The following TNFSF9 variants were observed in gnomAD, a reference collection of about 807,000 sequenced individuals.
TNFSF9 encodes TNF superfamily member 9.
A neutral mutation model predicts 10.3 loss-of-function variants in TNFSF9; 10 were observed. The ratio of observed to expected loss-of-function variants is 0.97; its 90% confidence interval spans 0.60 to 1.65. The LOEUF (loss-of-function observed/expected upper bound fraction) is 1.65, where lower values mean the gene tolerates loss of function less well. Among genes scored for constraint, TNFSF9 ranks in the 40% most tolerant of loss-of-function variants. The probability of loss-of-function intolerance (pLI) is 0.00; values close to 1 mark genes in which losing one functional copy is unlikely to be tolerated. For synonymous variants in TNFSF9, 195 were observed against 176.1 expected, an observed-to-expected ratio of 1.11 and a Z score of -0.85; for missense variants, 361 against 348.9, an observed-to-expected ratio of 1.03 and a Z score of -0.28.
chr19:6,531,094 C>T lies in TNFSF9; in HGVS notation c.58C>T (p.Arg20Cys), dbSNP rs1272743323. The T allele has an allele frequency of 5.6e-6, 9 of 1,610,794 alleles. No homozygotes were observed. The highest frequency in any genetic ancestry group is 7.6e-6 in the Non-Finnish European group (9 of 1,179,012). ...CGAAGCCCCGTGGCCTCCCGCGCCC[C>T]GCGCTCGCGCCTGCCGCGTACTGCC... ...DPEAPWPPAP[R>C]ARACRVLPWA... Residue 20 changes from arginine to cysteine, a missense_variant, in exon 1 of 3, where the codon CGC becomes TGC. Transcript: ENST00000245817.
rs1295631004 is a variant in TNFSF9 at position 6,535,681 on chromosome 19, A to T, written c.*615A>T. 6.6e-6 allele frequency: 1 copy of T among 151,650 alleles called. No homozygotes were observed. The highest frequency in any genetic ancestry group is 2.4e-5 in the African/African-American group (1 of 41,188). 9.4% of individuals were successfully genotyped at this position (151,650 alleles called of 1,614,324 possible). ...TTTTTCTTTCTTTCTTTTTTTTGAGATGGTCTTGTTCTGTCAACCAGGCTA... is the reference window on the plus strand; with the variant it reads ...TTTTTCTTTCTTTCTTTTTTTTGAGTTGGTCTTGTTCTGTCAACCAGGCTA... On this transcript the variant is annotated 3_prime_UTR_variant, in exon 3 of 3. Transcript: ENST00000245817.
intron 1 of TNFSF9, 87 bp downstream of exon 1, chr19:6,531,390 A>AG (rs1343747459): frequency 2.3e-5 from 31 of 1,368,644 alleles, no homozygotes; most frequent in Non-Finnish European, 2.9e-5. Flanking sequence ...CCGCACCCCC[A>AG]GGGACACCTG....
At chr19:6,534,506 C>T in intron 2 of TNFSF9, 94 bp from the exon 3 acceptor site, 1 of 940,066 alleles carries the variant, frequency 1.1e-6, no homozygotes. Flanking sequence ...CCGTTCTTTT[C>T]TCCCAGGGCT....
chr19:6,531,777 C>T (rs564167181), intron 1 of TNFSF9, among the ~76,000 whole-genome samples: 24 of 152,250 alleles, frequency 1.6e-4, no homozygotes, highest in Admixed American at 1.3e-4. Context: ...GAGGAGACCC[C>T]CACAGTCCTC....
intron 2 of TNFSF9, among the ~76,000 whole-genome samples, chr19:6,533,980 CCTT>C (rs1230109030): frequency 3.1e-5 from 4 of 127,502 alleles, no homozygotes; most frequent in Non-Finnish European, 5.0e-5. Context: ...CCTGATGGAT[CCTT>C]CCTCTAGAAC....
intron 1 of TNFSF9, 21 bp downstream of exon 1, chr19:6,531,324 C>T (rs761461168): frequency 2.0e-4 from 295 of 1,454,692 alleles, no homozygotes; most frequent in Non-Finnish European, 2.6e-4. Flanking sequence ...CCCCGACCCT[C>T]GGTAGCTGGT....
chr19:6,531,385 C>G, intron 1 of TNFSF9, 82 bp downstream of exon 1: 1 of 1,369,074 alleles, frequency 7.3e-7, no homozygotes, highest in Non-Finnish European at 9.4e-7. Context: ...CCCTCCCGCA[C>G]CCCCAGGGAC....
Position 6,535,875 on chromosome 19 carries a change from G to A in TNFSF9, c.*809G>A, listed in dbSNP as rs947302204. ...GGAGACGGTATTGCTATGTTGCCAA[G>A]GTTGTTTACATGCCAGTACAATTTA... is the stretch of plus-strand genomic sequence containing the variant. On this transcript the variant is annotated 3_prime_UTR_variant, in exon 3 of 3. Coordinates refer to ENST00000245817, the MANE Select transcript of TNFSF9 (RefSeq NM_003811.4). 1 of 152,120 alleles carries A rather than the reference G, an allele frequency of 6.6e-6. No individual in the cohort carries two copies. The highest frequency in any genetic ancestry group is 6.6e-5 in the Admixed American group (1 of 15,252). 9.4% of individuals were successfully genotyped at this position (152,120 alleles called of 1,614,324 possible). A position where few individuals can be genotyped will look rare whatever the true frequency, so the allele number is the denominator to read the frequency against.
chr19:6,532,613 G>GTGTGTT (rs1413917446), intron 1 of TNFSF9, among the ~76,000 whole-genome samples, 173 bp from the exon 2 acceptor site: 5 of 150,890 alleles, frequency 3.3e-5, no homozygotes, highest in African/African-American at 7.4e-5. Context: ...TCGTGTGTTT[G>GTGTGTT]TGTGTTTGTG....
Position 6,534,839 on chromosome 19 carries a change from G to A in TNFSF9, c.538G>A (p.Ala180Thr), listed in dbSNP as rs994606893. The A allele has an allele frequency of 6.2e-7, 1 of 1,606,678 alleles. No homozygotes were observed. Among genetic ancestry groups the A allele is most frequent in the South Asian group, 1.1e-5 (1 of 90,392 alleles). The part of the protein sequence containing the change: ...LRSAAGAAAL[A>T]LTVDLPPASS... ...CTCTGCTGCTGGGGCCGCCGCCCTG[G>A]CTTTGACCGTGGACCTGCCACCCGC... Residue 180 changes from alanine (A) to threonine (T), a missense_variant, in exon 3 of 3, where the codon GCT becomes ACT. Coordinates refer to ENST00000245817, the MANE Select transcript of TNFSF9 (RefSeq NM_003811.4).
chr19:6,534,013 C>A, intron 2 of TNFSF9, among the ~76,000 whole-genome samples: 1 of 139,830 alleles, frequency 7.2e-6, no homozygotes, highest in Non-Finnish European at 1.5e-5. Flanking sequence ...TCCTAACAGT[C>A]TTCCCTCTCC....
chr19:6,532,611 TTGTGTGTTTG>T (rs1391090359), intron 1 of TNFSF9, among the ~76,000 whole-genome samples, 165 bp from the exon 2 acceptor site: 3 of 147,968 alleles, frequency 2.0e-5, no homozygotes, highest in African/African-American at 5.1e-5. Context: ...GTTCGTGTGT[TTGTGTGTTTG>T]TGTGTGTGTG....
chr19:6,534,406 A>AC (rs1381188896), intron 2 of TNFSF9, among the ~76,000 whole-genome samples, 194 bp from the exon 3 acceptor site: 5 of 35,494 alleles, frequency 1.4e-4, no homozygotes, highest in African/African-American at 1.1e-4. Flanking sequence ...TTCAATCAGC[A>AC]CCCCCCCAAC....
At chr19:6,532,640 C>T (rs1225895716) in intron 1 of TNFSF9, 146 bp from the exon 2 acceptor site, 5 of 1,032,974 alleles carry the variant, frequency 4.8e-6, no homozygotes, top group Non-Finnish European at 7.4e-6. Flanking sequence ...TGTGTGCGGT[C>T]TCTGTTCTTT....
chr19:6,534,616 G>A lies in TNFSF9; in HGVS notation c.315G>A (p.Gly105=), dbSNP rs762170897. 1.3e-6 allele frequency: 2 copies of A among 1,574,842 alleles called. No individual in the cohort carries two copies. The highest frequency in any genetic ancestry group is 1.4e-5 in the African/African-American group (1 of 73,926). The change falls in exon 3 of 3, where the codon GGG becomes GGA. Residue 105 remains glycine, a synonymous_variant. Transcript: ENST00000245817. ...LVAQNVLLID[G]PLSWYSDPGL... ...CTCCCACAGTTCTGCTGATCGATGG[G>A]CCCCTGAGCTGGTACAGTGACCCAG...
chr19:6,532,717 T>C, intron 1 of TNFSF9, 69 bp from the exon 2 acceptor site: 1 of 1,611,302 alleles, frequency 6.2e-7, no homozygotes, highest in Non-Finnish European at 8.5e-7. Context: ...ACAGCTGAAG[T>C]GAGTGGGGAC....
In TNFSF9 at chr19:6,532,655, G is replaced by A. The variant is rs536801434; in HGVS notation, c.268-131G>A. ...TGTGTGCGGTCTCTGTTCTTTAGTT[G>A]GGAGGGAAGGGAAGCGTAGGCTTCA... On this transcript the variant is annotated intron_variant, in intron 1 of 2. Coordinates refer to ENST00000245817, the MANE Select transcript of TNFSF9 (RefSeq NM_003811.4). 2,364 of 1,206,814 alleles carry A rather than the reference G, an allele frequency of 2.0e-3. 5 individuals carry two copies. The highest frequency in any genetic ancestry group is 2.2e-3 in the Non-Finnish European group (1,849 of 823,364). The allele number at this position is 1,206,814 out of a possible 1,614,324, so 74.8% of individuals were successfully genotyped here.
Position 6,534,595 on chromosome 19 carries a change from C to T in TNFSF9, c.299-5C>T. The T allele has an allele frequency of 6.4e-7, 1 of 1,561,206 alleles. No homozygotes were observed. The highest frequency in any genetic ancestry group is 1.2e-5 in the South Asian group (1 of 84,734). On this transcript the variant is annotated splice_region_variant and splice_polypyrimidine_tract_variant and intron_variant, in intron 2 of 2. Transcript: ENST00000245817. ...CTAAGCTAAGTGCATGCTTTCCTCC[C>T]ACAGTTCTGCTGATCGATGGGCCCC...
chr19:6,532,953 C>G (rs1391846449), intron 2 of TNFSF9, 137 bp downstream of exon 2: 2 of 1,254,524 alleles, frequency 1.6e-6, no homozygotes, highest in African/African-American at 3.0e-5. Context: ...CTGAAAGCTG[C>G]TACTTCCCCT....
Sources: gnomAD v4.1 joint callset for allele counts (sites outside exome capture counted in the v4.1 genomes callset) on GRCh38, gnomAD v4.1.1 for gene constraint, MANE v1.5 for transcripts, NCBI Gene and HGNC (gene_info 2026-07-23, HGNC 2026-07-21) for gene names.